CIT: variants seen among roughly 807,000 people sequenced by gnomAD.
The protein encoded by CIT is citron rho-interacting serine/threonine kinase, also known as citron Rho-interacting kinase.
Under a neutral mutation model 272.7 loss-of-function variants are expected in CIT, and 79 were observed. That is an observed-to-expected ratio of 0.29 (90% CI 0.24 to 0.35). The LOEUF is 0.35. Ranked by LOEUF, CIT falls within the 10% of genes least tolerant of loss-of-function variation. The probability of loss-of-function intolerance (pLI) is 1.00; values close to 1 mark genes in which losing one functional copy is unlikely to be tolerated. For missense variants in CIT, 1,909 were observed against 2,618.3 expected (o/e 0.73, Z 5.91); for synonymous variants, 948 against 995.6 (o/e 0.95, Z 0.90).
intron 4 of CIT, among the ~76,000 whole-genome samples, chr12:119,852,088 G>A (rs902444400): frequency 2.0e-5 from 3 of 152,136 alleles, no homozygotes; most frequent in African/African-American, 4.8e-5. Context: ...CCTACAAGTA[G>A]AAAGGCATAA....
At position 119,710,982 on chromosome 12, in the gene CIT, A is replaced by G. The variant is rs2137054118; in HGVS notation, c.4855-362T>C. On this transcript the variant is annotated intron_variant, in intron 37 of 47. Transcript: ENST00000392521. This position sits in a 1 kb window ranked among gnomAD's most constrained non-coding sequence, Gnocchi z 5.6. ...ACACATGAAAGACTCCTTCCCCCAT[A>G]AGGCTGCAGCAGAAGTGCAAAGGCG... is the stretch of plus-strand genomic sequence containing the variant. 1 of 1,272,074 alleles carries G rather than the reference A, an allele frequency of 7.9e-7. No homozygotes were observed. Among genetic ancestry groups the G allele is most frequent in the Non-Finnish European group, 1.1e-6 (1 of 936,774 alleles). The allele number at this position is 1,272,074 out of a possible 1,614,324, so 78.8% of individuals were successfully genotyped here.
Position 119,710,148 on chromosome 12 carries a change from C to A in CIT, c.5071+103G>T, listed in dbSNP as rs191441598. 35 of 1,284,390 alleles carry A rather than the reference C, an allele frequency of 2.7e-5. No individual in the cohort carries two copies. Among genetic ancestry groups the A allele is most frequent in the Non-Finnish European group, 8.7e-6 (8 of 918,370 alleles). The allele number at this position is 1,284,390 out of a possible 1,614,324, so 79.6% of individuals were successfully genotyped here. A position where few individuals can be genotyped will look rare whatever the true frequency, so the allele number is the denominator to read the frequency against. Reference sequence around the variant, plus strand: ...GGGGACACAGAGATAAGAGCTACAACGGCTCCTCTCTACTATTTTGTGTTT... The same window carrying A: ...GGGGACACAGAGATAAGAGCTACAAAGGCTCCTCTCTACTATTTTGTGTTT... On this transcript the variant is annotated intron_variant, in intron 39 of 47. Coordinates refer to ENST00000392521, the MANE Select transcript of CIT (RefSeq NM_001206999.2). The surrounding 1 kb of genome is among the most constrained non-coding windows in gnomAD (Gnocchi z 5.6).
At chr12:119,749,172 G>A (rs565805187) in intron 23 of CIT, among the ~76,000 whole-genome samples, 57 of 152,328 alleles carry the variant, frequency 3.7e-4, no homozygotes, top group Non-Finnish European at 6.0e-4. Context: ...GCCCAGGGAT[G>A]GAGGCCAAAC....
chr12:119,789,382 A>G (rs540652143), intron 10 of CIT, among the ~76,000 whole-genome samples: 1 of 152,292 alleles, frequency 6.6e-6, no homozygotes, highest in South Asian at 2.1e-4. Context: ...CCAATTTTGA[A>G]ATTAATGGTG....
At chr12:119,861,269 T>G (rs1382367758) in intron 3 of CIT, among the ~76,000 whole-genome samples, 1 of 151,514 alleles carries the variant, frequency 6.6e-6, no homozygotes, top group Non-Finnish European at 1.5e-5. Context: ...GAGGTAGAGA[T>G]AAGGACCCAA....
Position 119,784,889 on chromosome 12 carries a change from G to A in CIT, c.1401+71C>T. ...GGCTCAGAGCCAGCAGCGGCCCCGG[G>A]CGGATCCCTTGGCATATACGGACGG... is the stretch of plus-strand genomic sequence containing the variant. On this transcript the variant is annotated intron_variant, in intron 11 of 47. Transcript: ENST00000392521. This position sits in a 1 kb window ranked among gnomAD's most constrained non-coding sequence, Gnocchi z 4.7. The A allele has an allele frequency of 1.3e-6, 2 of 1,576,490 alleles. No homozygotes were observed. Among genetic ancestry groups the A allele is most frequent in the Non-Finnish European group, 8.6e-7 (1 of 1,160,966 alleles).
intron 28 of CIT, among the ~76,000 whole-genome samples, chr12:119,725,138 T>G (rs962829676): frequency 2.0e-5 from 3 of 151,942 alleles, no homozygotes; most frequent in African/African-American, 7.3e-5. Context: ...AAAGTCTCCT[T>G]ATAGGCCAGG....
At chr12:119,816,913 G>A (rs939701219) in intron 9 of CIT, among the ~76,000 whole-genome samples, 7 of 152,194 alleles carry the variant, frequency 4.6e-5, no homozygotes, top group Admixed American at 6.5e-5. Flanking sequence ...AAAGCACAGC[G>A]ATGCTGTTCA....
rs1374852763 is a variant in CIT at position 119,735,120 on chromosome 12, A to G, written c.3156+40T>C. ...CAAGCACTCCTAAAATCCTTCTAAA[A>G]GTCCTCCAGGGATCTCACGACCTTG... On this transcript the variant is annotated intron_variant, in intron 25 of 47. Transcript: ENST00000392521. 3 of 1,601,404 alleles carry G rather than the reference A, an allele frequency of 1.9e-6. No individual in the cohort carries two copies. In the Admixed American group the frequency reaches 5.0e-5, roughly 27 times the overall value.
At chr12:119,703,351 C>T (rs1017972401) in intron 41 of CIT, among the ~76,000 whole-genome samples, 4 of 152,058 alleles carry the variant, frequency 2.6e-5, no homozygotes, top group African/African-American at 9.7e-5. Flanking sequence ...AAACTAACAC[C>T]ACCCTGCCCA....
chr12:119,739,990 C>CT (rs1400544779), intron 24 of CIT, among the ~76,000 whole-genome samples: 1 of 152,158 alleles, frequency 6.6e-6, no homozygotes, highest in African/African-American at 2.4e-5. Context: ...GAAACAGAGG[C>CT]TTAGTAGGAT....
chr12:119,702,502 A>G (rs1287844915), intron 41 of CIT, among the ~76,000 whole-genome samples: 1 of 152,078 alleles, frequency 6.6e-6, no homozygotes, highest in African/African-American at 2.4e-5. Flanking sequence ...TGTAGCCAAC[A>G]TGGTGAAACC....
intron 30 of CIT, among the ~76,000 whole-genome samples, chr12:119,720,112 T>C (rs1957749403): frequency 6.6e-6 from 1 of 152,232 alleles, no homozygotes; most frequent in African/African-American, 2.4e-5. Flanking sequence ...AGCCCCATAC[T>C]TGTGACTTGC....
In CIT at chr12:119,697,278, T is replaced by A. The variant is rs1408559503; in HGVS notation, c.5882+381A>T. On this transcript the variant is annotated intron_variant, in intron 46 of 47. Coordinates refer to ENST00000392521, the MANE Select transcript of CIT (RefSeq NM_001206999.2). The surrounding 1 kb of genome is among the most constrained non-coding windows in gnomAD (Gnocchi z 4.9). ...TGCCAGCATCTCTCCCACTGGGCTG[T>A]GAGTGCCATCAGGGAGGGGCTACAT... is the stretch of plus-strand genomic sequence containing the variant. Among the ~76,000 whole-genome samples the A allele has an allele frequency of 6.6e-6, 1 of 152,130 alleles. No homozygotes were observed. Among genetic ancestry groups the A allele is most frequent in the Non-Finnish European group, 1.5e-5 (1 of 68,022 alleles).
chr12:119,707,636 G>C (rs1956950139), intron 40 of CIT, among the ~76,000 whole-genome samples: 1 of 152,044 alleles, frequency 6.6e-6, no homozygotes, highest in African/African-American at 2.4e-5. Flanking sequence ...CGAGTAGCTG[G>C]GATTACAGGC....
In CIT at chr12:119,712,384, T is replaced by C; in HGVS notation, c.4685-37A>G. 1 of 1,576,186 alleles carries C rather than the reference T, an allele frequency of 6.3e-7. No individual in the cohort carries two copies. Among genetic ancestry groups the C allele is most frequent in the Non-Finnish European group, 8.6e-7 (1 of 1,157,362 alleles). ...CAGAGAGCACAGGATTGGGTGTGGA[T>C]TTCCCCCGTTCCCACTGGGAGGGAC... On this transcript the variant is annotated intron_variant, in intron 36 of 47. Coordinates refer to ENST00000392521, the MANE Select transcript of CIT (RefSeq NM_001206999.2). The surrounding 1 kb of genome is among the most constrained non-coding windows in gnomAD (Gnocchi z 5.2).
intron 5 of CIT, among the ~76,000 whole-genome samples, chr12:119,847,606 A>G (rs1207338623): frequency 1.4e-5 from 2 of 139,040 alleles, no homozygotes; most frequent in Admixed American, 7.4e-5. Flanking sequence ...AAAAAAATGA[A>G]AAGAAAAGGC....
intron 5 of CIT, among the ~76,000 whole-genome samples, chr12:119,842,901 T>C (rs904910740): frequency 6.6e-6 from 1 of 152,194 alleles, no homozygotes; most frequent in Non-Finnish European, 1.5e-5. Flanking sequence ...CCAATAAATA[T>C]TGCTTAAGCA....
chr12:119,701,540 G>T, intron 43 of CIT, 84 bp downstream of exon 43: 1 of 1,496,520 alleles, frequency 6.7e-7, no homozygotes, highest in Non-Finnish European at 9.1e-7. Flanking sequence ...CTGCCCCAGA[G>T]CTCCATGTAC....
Sources: allele counts gnomAD v4.1 joint callset (sites outside exome capture counted in the v4.1 genomes callset), GRCh38; gene constraint gnomAD v4.1.1; non-coding constraint Gnocchi (gnomAD v3.1); transcripts MANE v1.5; gene names NCBI Gene and HGNC (gene_info 2026-07-23, HGNC 2026-07-21).